LPP: variants seen among roughly 807,000 people sequenced by gnomAD.
LPP encodes LIM domain containing preferred translocation partner in lipoma.
A neutral mutation model predicts 60.4 loss-of-function variants in LPP; 38 were observed. That is an observed-to-expected ratio of 0.63 (90% CI 0.49 to 0.83). The LOEUF (loss-of-function observed/expected upper bound fraction) is 0.83. Among genes scored for constraint, LPP ranks in the 40% least tolerant of loss-of-function variants. LPP has a pLI of 0.00. For missense variants in LPP, 902 were observed against 783.6 expected (o/e 1.15, Z -1.80); for synonymous variants, 328 against 290.8 (o/e 1.13, Z -1.30).
In LPP at chr3:188,760,269, A is replaced by C; in HGVS notation, c.1397A>C (p.Glu466Ala). The C allele has an allele frequency of 1.2e-6, 2 of 1,614,106 alleles. No individual in the cohort carries two copies. The highest frequency in any genetic ancestry group is 1.7e-6 in the Non-Finnish European group (2 of 1,179,990). Reference protein sequence around the residue: ...FYAVEKKAYCEPCYINTLEQC... With the variant: ...FYAVEKKAYCAPCYINTLEQC... ...GCTGTGGAAAAGAAAGCATACTGCGAGCCCTGCTACATTGTAAGTTCCAGA... is the reference window on the plus strand; with the variant it reads ...GCTGTGGAAAAGAAAGCATACTGCGCGCCCTGCTACATTGTAAGTTCCAGA... Residue 466 changes from glutamate (E) to alanine (A), a missense_variant, in exon 9 of 12, where the codon GAG (glutamate) becomes GCG (alanine). By Grantham distance (107) the Glu-to-Ala change is moderately radical. Coordinates refer to ENST00000617246, the MANE Select transcript of LPP (RefSeq NM_001375462.1).
At chr3:188,752,685 C>T (rs751787172) in intron 8 of LPP, among the ~76,000 whole-genome samples, 1 of 152,074 alleles carries the variant, frequency 6.6e-6, no homozygotes, top group African/African-American at 2.4e-5. Flanking sequence ...TGCCCCTCTC[C>T]GCCTCATATT....
At chr3:188,617,705 G>T (rs1418491916) in intron 7 of LPP, among the ~76,000 whole-genome samples, 1 of 152,138 alleles carries the variant, frequency 6.6e-6, no homozygotes, top group Non-Finnish European at 1.5e-5. Flanking sequence ...CATTTTCATA[G>T]ATTTGGTTGT....
chr3:188,822,068 A>G (rs1462533430), intron 9 of LPP, among the ~76,000 whole-genome samples: 1 of 152,046 alleles, frequency 6.6e-6, no homozygotes, highest in African/African-American at 2.4e-5. Flanking sequence ...CTTCCTAAAG[A>G]TTCAGGATGT....
chr3:188,252,365 TCC>T (rs376285343), intron 2 of LPP, among the ~76,000 whole-genome samples: 2,334 of 141,450 alleles, frequency 0.017, 64 homozygotes, highest in African/African-American at 0.055. Flanking sequence ...CGTTTTTTTT[TCC>T]TCTCTCTCTC....
chr3:188,583,397 A>G (rs1434989519), intron 6 of LPP, among the ~76,000 whole-genome samples: 2 of 152,160 alleles, frequency 1.3e-5, no homozygotes, highest in African/African-American at 4.8e-5. Flanking sequence ...AACATTGTTC[A>G]CTACCTCAGT....
intron 10 of LPP, among the ~76,000 whole-genome samples, chr3:188,870,114 TCTGA>T (rs1324986156): frequency 1.3e-5 from 2 of 152,178 alleles, no homozygotes; most frequent in African/African-American, 4.8e-5. Context: ...CTTACCACAG[TCTGA>T]CTGGTATAGA....
At chr3:188,239,579 A>G (rs1723129539) in intron 2 of LPP, among the ~76,000 whole-genome samples, 1 of 152,284 alleles carries the variant, frequency 6.6e-6, no homozygotes, top group South Asian at 2.1e-4. Context: ...TTTTATCAAT[A>G]TTTCAGGCTC....
chr3:188,199,061 A>G (rs1022784619), intron 1 of LPP, among the ~76,000 whole-genome samples: 4 of 152,110 alleles, frequency 2.6e-5, no homozygotes, highest in African/African-American at 9.7e-5. Context: ...GCTGGGTGCT[A>G]GAGGGATATG....
At chr3:188,186,688 A>G (rs2148956257) in intron 1 of LPP, among the ~76,000 whole-genome samples, 1 of 152,112 alleles carries the variant, frequency 6.6e-6, no homozygotes, top group Admixed American at 6.5e-5. Flanking sequence ...TTCCTGTCCC[A>G]TCTCTTCCCA....
At chr3:188,724,610 G>A (rs761436261) in intron 8 of LPP, among the ~76,000 whole-genome samples, 6 of 152,206 alleles carry the variant, frequency 3.9e-5, no homozygotes, top group East Asian at 3.9e-4. Context: ...ATTTCTGACC[G>A]TAATTTTTTT....
chr3:188,609,143 T>G lies in LPP; in HGVS notation c.430-18T>G. 6.5e-7 allele frequency: 1 copy of G among 1,543,266 alleles called. No homozygotes were observed. ...AATTTTTGCTTTCTTTCTTTCTTTT[T>G]TTTCCTATTCTTTTTAGAGCTCCAC... On this transcript the variant is annotated intron_variant, in intron 6 of 11. Coordinates refer to ENST00000617246, the MANE Select transcript of LPP (RefSeq NM_001375462.1). The surrounding 1 kb of genome is among the most constrained non-coding windows in gnomAD (Gnocchi z 6.9).
chr3:188,210,072 T>A (rs1246031940), intron 1 of LPP, among the ~76,000 whole-genome samples: 100 of 137,730 alleles, frequency 7.3e-4, no homozygotes, highest in Admixed American at 4.3e-4. Flanking sequence ...TCGAAAATAT[T>A]AAAAAAAAAA....
Position 188,887,513 on chromosome 3 carries a change from A to G in LPP, c.*13034A>G, listed in dbSNP as rs987147604. 6 of 216,996 alleles carry G rather than the reference A, an allele frequency of 2.8e-5. No homozygotes were observed. Among genetic ancestry groups the G allele is most frequent in the African/African-American group, 1.3e-4 (6 of 44,468 alleles). The allele number at this position is 216,996 out of a possible 1,614,324, so 13.4% of individuals were successfully genotyped here. On this transcript the variant is annotated 3_prime_UTR_variant, in exon 12 of 12. Coordinates refer to ENST00000617246, the MANE Select transcript of LPP (RefSeq NM_001375462.1). ...TGGCCTCATGTTTTAACTTTCAAAT[A>G]ATAAATGGGGAGTTGGTATTTGGGC... is the stretch of plus-strand genomic sequence containing the variant.
chr3:188,867,494 C>T (rs911110677), intron 10 of LPP, among the ~76,000 whole-genome samples: 1 of 151,956 alleles, frequency 6.6e-6, no homozygotes, highest in Non-Finnish European at 1.5e-5. Flanking sequence ...CAGGCATGCA[C>T]CACCATGCCC....
chr3:188,228,877 T>G (rs1718815544), intron 2 of LPP, among the ~76,000 whole-genome samples: 1 of 152,218 alleles, frequency 6.6e-6, no homozygotes, highest in South Asian at 2.1e-4. Flanking sequence ...CAACCTGTTT[T>G]GTAAACTATA....
intron 1 of LPP, among the ~76,000 whole-genome samples, chr3:188,162,471 G>T (rs971622267): frequency 1.3e-5 from 2 of 152,190 alleles, no homozygotes; most frequent in African/African-American, 4.8e-5. Context: ...AGTAGCATTA[G>T]GTGACTATAT....
intron 1 of LPP, among the ~76,000 whole-genome samples, chr3:188,214,462 G>T (rs1560117159): frequency 1.3e-5 from 2 of 152,178 alleles, no homozygotes; most frequent in Admixed American, 6.5e-5. Flanking sequence ...ATTTTCCAGT[G>T]CAGGGAAGAT....
At chr3:188,257,531 T>C (rs1732065124) in intron 2 of LPP, among the ~76,000 whole-genome samples, 1 of 152,186 alleles carries the variant, frequency 6.6e-6, no homozygotes. Flanking sequence ...AACAGACTGG[T>C]TTTTTGTTGA....
chr3:188,353,582 G>A (rs1285361212), intron 3 of LPP, among the ~76,000 whole-genome samples: 3 of 152,174 alleles, frequency 2.0e-5, no homozygotes, highest in Non-Finnish European at 4.4e-5. Context: ...TCCAAATATT[G>A]TAATGTTACT....
Sources: allele counts gnomAD v4.1 joint callset (sites outside exome capture counted in the v4.1 genomes callset), GRCh38; gene constraint gnomAD v4.1.1; non-coding constraint Gnocchi (gnomAD v3.1); transcripts MANE v1.5; gene names NCBI Gene and HGNC (gene_info 2026-07-23, HGNC 2026-07-21).